Variants in DGKI observed in about 807,000 individuals in gnomAD.
DGKI encodes the protein diacylglycerol kinase iota.
Under a neutral mutation model 147.5 loss-of-function variants are expected in DGKI, and 55 were observed. That is an observed-to-expected ratio of 0.37 (90% CI 0.30 to 0.47). The LOEUF is 0.47. Among genes scored for constraint, DGKI ranks in the 20% least tolerant of loss-of-function variants. The pLI is 1.00. For synonymous variants in DGKI, 469 were observed against 477.1 expected, an observed-to-expected ratio of 0.98 and a Z score of 0.22; for missense variants, 1,007 against 1,323.8, an observed-to-expected ratio of 0.76 and a Z score of 3.71.
At chr7:137,577,923 A>C (rs1819044518) in intron 16 of DGKI, among the ~76,000 whole-genome samples, 1 of 151,704 alleles carries the variant, frequency 6.6e-6, no homozygotes, top group African/African-American at 2.4e-5. Flanking sequence ...TCTTACCTAA[A>C]ATTCTTCAGA....
At chr7:137,638,709 TAGATATAC>T (rs1821509838) in intron 6 of DGKI, among the ~76,000 whole-genome samples, 1 of 142,038 alleles carries the variant, frequency 7.0e-6, no homozygotes, top group Admixed American at 7.3e-5. Context: ...TGTACGCACA[TAGATATAC>T]ATATATACAC....
intron 1 of DGKI, among the ~76,000 whole-genome samples, chr7:137,835,872 C>T (rs10277821): frequency 0.11 from 17,342 of 152,152 alleles, 2,886 homozygotes; most frequent in African/African-American, 0.37. Flanking sequence ...ACTTCAGATC[C>T]GAAAACCAGC....
At chr7:137,728,393 T>A (rs1794772188) in intron 1 of DGKI, among the ~76,000 whole-genome samples, 1 of 152,138 alleles carries the variant, frequency 6.6e-6, no homozygotes, top group Admixed American at 6.5e-5. Context: ...AGAATGCTGG[T>A]TTAAAAAATT....
intron 27 of DGKI, among the ~76,000 whole-genome samples, chr7:137,444,844 T>A (rs576876155): frequency 1.3e-5 from 2 of 152,208 alleles, no homozygotes; most frequent in Non-Finnish European, 2.9e-5. Flanking sequence ...AGTTTGGAGA[T>A]GAATTCACCT....
chr7:137,382,570 G>A lies in DGKI; in HGVS notation c.*8650C>T, dbSNP rs1811085297. On this transcript the variant is annotated 3_prime_UTR_variant, in exon 33 of 33. Transcript: ENST00000614521. ...AACTAATACCCCTTGAAGCCACTTT[G>A]AACAAATTTAATCTTTCTGTATGTT... 1 of 151,998 alleles carries A rather than the reference G, an allele frequency of 6.6e-6. No homozygotes were observed. Among genetic ancestry groups the A allele is most frequent in the Admixed American group, 6.6e-5 (1 of 15,232 alleles). The allele number at this position is 151,998 out of a possible 1,614,324, so 9.4% of individuals were successfully genotyped here.
intron 3 of DGKI, among the ~76,000 whole-genome samples, chr7:137,674,669 T>C (rs1164232552): frequency 1.3e-5 from 2 of 152,226 alleles, no homozygotes; most frequent in Non-Finnish European, 2.9e-5. Context: ...GCACGGCTCA[T>C]GATTGCCACC....
In DGKI at chr7:137,449,147, G is replaced by A. The variant is rs545116061; in HGVS notation, c.2736-5045C>T. On this transcript the variant is annotated intron_variant, in intron 27 of 32. Coordinates refer to ENST00000614521, the MANE Select transcript of DGKI (RefSeq NM_001321708.2). ...AGATTAGTAGAAACAATCCTAAAAC[G>A]TGTATGAAACCACAGAAGACCCTGA... is the stretch of plus-strand genomic sequence containing the variant. Among the ~76,000 whole-genome samples, 4 of 152,092 alleles carry A rather than the reference G, an allele frequency of 2.6e-5. No homozygotes were observed. The South Asian group carries it at 6.2e-4, about 24-fold the overall frequency.
intron 26 of DGKI, among the ~76,000 whole-genome samples, chr7:137,464,779 T>C (rs4467886): frequency 0.057 from 8,732 of 152,276 alleles, 857 homozygotes; most frequent in African/African-American, 0.2. Flanking sequence ...GAAGATGACA[T>C]TGCAGTTGTG....
chr7:137,752,192 G>C (rs528571743), intron 1 of DGKI, among the ~76,000 whole-genome samples: 4 of 152,124 alleles, frequency 2.6e-5, no homozygotes, highest in African/African-American at 9.6e-5. Flanking sequence ...AGAGGAAGAG[G>C]TGGTCAAATA....
At chr7:137,732,684 C>T (rs2116669399) in intron 1 of DGKI, among the ~76,000 whole-genome samples, 1 of 152,178 alleles carries the variant, frequency 6.6e-6, no homozygotes, top group South Asian at 2.1e-4. Context: ...AGACATTACT[C>T]CTCCATACAA....
Position 137,807,128 on chromosome 7 carries a change from G to A in DGKI, c.401+39334C>T, listed in dbSNP as rs147353462. Among the ~76,000 whole-genome samples, 271 of 152,188 alleles carry A rather than the reference G, an allele frequency of 1.8e-3. 1 individual carries two copies. Among genetic ancestry groups the A allele is most frequent in the African/African-American group, 6.3e-3 (260 of 41,534 alleles). On this transcript the variant is annotated intron_variant, in intron 1 of 32. Transcript: ENST00000614521. ...ACGAGATAGTTTATTTTATTTTTGC[G>A]TCACAAGTCTATCTGTGAAGACCCA...
chr7:137,677,385 G>T (rs889572109), intron 3 of DGKI, among the ~76,000 whole-genome samples: 2 of 152,134 alleles, frequency 1.3e-5, no homozygotes, highest in Non-Finnish European at 2.9e-5. Context: ...CAGGTTTCCC[G>T]ACTTCCAATC....
At chr7:137,622,014 G>C (rs1820765815) in intron 7 of DGKI, among the ~76,000 whole-genome samples, 1 of 152,160 alleles carries the variant, frequency 6.6e-6, no homozygotes, top group African/African-American at 2.4e-5. Context: ...AACTAGGATG[G>C]CCTTATATTT....
At chr7:137,795,303 T>A (rs1259361067) in intron 1 of DGKI, among the ~76,000 whole-genome samples, 3 of 152,184 alleles carry the variant, frequency 2.0e-5, no homozygotes, top group Non-Finnish European at 4.4e-5. Context: ...TGAAAACCAG[T>A]GGCCTAGTAG....
At chr7:137,591,269 T>C (rs1247395425) in intron 12 of DGKI, among the ~76,000 whole-genome samples, 1 of 152,234 alleles carries the variant, frequency 6.6e-6, no homozygotes, top group Non-Finnish European at 1.5e-5. Context: ...CTTTTTTCTG[T>C]AGCCAAATGA....
At chr7:137,588,707 A>C (rs1819501669) in intron 12 of DGKI, among the ~76,000 whole-genome samples, 1 of 151,948 alleles carries the variant, frequency 6.6e-6, no homozygotes, top group African/African-American at 2.4e-5. Context: ...CAATCTCCTG[A>C]CCTTGTGATC....
intron 23 of DGKI, among the ~76,000 whole-genome samples, chr7:137,481,498 A>G (rs28377991): frequency 0.011 from 1,666 of 152,214 alleles, 27 homozygotes; most frequent in African/African-American, 0.039. Flanking sequence ...AGGTTACATC[A>G]ATGCTATTAG....
chr7:137,837,301 G>A (rs1050301141), intron 1 of DGKI, among the ~76,000 whole-genome samples: 5 of 152,150 alleles, frequency 3.3e-5, no homozygotes, highest in Admixed American at 6.5e-5. Context: ...TAATCGTTGC[G>A]GTCAGTATTT....
chr7:137,633,882 C>A (rs776840062), intron 6 of DGKI, among the ~76,000 whole-genome samples: 1 of 152,302 alleles, frequency 6.6e-6, no homozygotes, highest in East Asian at 1.9e-4. Context: ...GCAAAGGAAC[C>A]CGAACTGTGT....
Sources: gnomAD v4.1 joint callset for allele counts (sites outside exome capture counted in the v4.1 genomes callset) on GRCh38, gnomAD v4.1.1 for gene constraint, MANE v1.5 for transcripts, NCBI Gene and HGNC (gene_info 2026-07-23, HGNC 2026-07-21) for gene names.